TMTC2: variants seen among roughly 807,000 people sequenced by gnomAD.
TMTC2 encodes the protein protein O-mannosyl-transferase TMTC2.
In TMTC2, 43 loss-of-function variants were observed where a neutral mutation model predicts 82.4. That is an observed-to-expected ratio of 0.52 (90% confidence interval 0.41 to 0.67). The LOEUF (loss-of-function observed/expected upper bound fraction) is 0.67. Ranked by LOEUF, TMTC2 falls within the 30% of genes least tolerant of loss-of-function variation. The pLI is 0.00. For missense variants in TMTC2, 919 were observed against 1,012.4 expected (o/e 0.91, Z 1.25); for synonymous variants, 408 against 381.9 (o/e 1.07, Z -0.80).
intron 1 of TMTC2, among the ~76,000 whole-genome samples, chr12:82,836,984 G>A (rs530540236): frequency 9.2e-5 from 14 of 152,080 alleles, no homozygotes; most frequent in South Asian, 4.2e-4. Context: ...TTTCATCCTC[G>A]AATTCATTTA....
intron 1 of TMTC2, among the ~76,000 whole-genome samples, chr12:82,836,104 TA>T (rs1276144657): frequency 2.0e-5 from 3 of 152,016 alleles, no homozygotes; most frequent in African/African-American, 7.3e-5. Flanking sequence ...TATGCATACA[TA>T]AAATAGTTGA....
At chr12:82,719,297 T>TGTATTTTCAGTAGAGAC (rs1874077061) in intron 1 of TMTC2, among the ~76,000 whole-genome samples, 1 of 151,668 alleles carries the variant, frequency 6.6e-6, no homozygotes, top group Non-Finnish European at 1.5e-5. Context: ...TTTCACCATC[T>TGTATTTTCAGTAGAGAC]TGGCCAGGCT....
intron 11 of TMTC2, among the ~76,000 whole-genome samples, chr12:83,108,371 A>G (rs1440969062): frequency 6.6e-6 from 1 of 152,142 alleles, no homozygotes; most frequent in Non-Finnish European, 1.5e-5. Flanking sequence ...GAAAATTGAC[A>G]TTATAAAACG....
At chr12:82,897,949 G>C (rs539375628) in intron 3 of TMTC2, among the ~76,000 whole-genome samples, 1 of 137,980 alleles carries the variant, frequency 7.2e-6, no homozygotes, top group South Asian at 2.2e-4. Context: ...TATGAAAATG[G>C]CCTGCTAATA....
rs569076908 is a variant in TMTC2 at position 83,134,604 on chromosome 12, C to T, written c.*2215C>T. 5.1e-5 allele frequency: 6 copies of T among 117,222 alleles called. No homozygotes were observed. The highest frequency in any genetic ancestry group is 1.1e-4 in the Admixed American group (1 of 9,476). 7.3% of individuals were successfully genotyped at this position (117,222 alleles called of 1,614,324 possible). Reference sequence around the variant, plus strand: ...GCTGGACTTAGTAACTGACCAACTTCGGGGGGAGGGTTGGGGCAAGGGGGG... The same window carrying T: ...GCTGGACTTAGTAACTGACCAACTTTGGGGGGAGGGTTGGGGCAAGGGGGG... On this transcript the variant is annotated 3_prime_UTR_variant, in exon 12 of 12. Coordinates refer to ENST00000321196, the MANE Select transcript of TMTC2 (RefSeq NM_152588.3).
chr12:82,741,636 A>G (rs1043139608), intron 1 of TMTC2, among the ~76,000 whole-genome samples: 14 of 152,280 alleles, frequency 9.2e-5, no homozygotes, highest in African/African-American at 3.1e-4. Flanking sequence ...CAATTTACCA[A>G]TCTGACCTTC....
intron 1 of TMTC2, among the ~76,000 whole-genome samples, chr12:82,814,633 A>G (rs1321362897): frequency 2.6e-5 from 4 of 152,304 alleles, no homozygotes; most frequent in Middle Eastern, 6.8e-3. Context: ...ACCAATCATG[A>G]TTAGAAGGAA....
intron 8 of TMTC2, among the ~76,000 whole-genome samples, chr12:83,019,336 C>T (rs569178383): frequency 8.5e-5 from 13 of 152,186 alleles, no homozygotes; most frequent in East Asian, 3.9e-4. Context: ...CCTTACCCAC[C>T]GCTCCCCAAA....
intron 3 of TMTC2, among the ~76,000 whole-genome samples, chr12:82,900,709 T>TGAAATATATATATA (rs1565800777): frequency 1.0e-3 from 145 of 140,164 alleles, no homozygotes; most frequent in African/African-American, 3.6e-3. Flanking sequence ...TATATATCTC[T>TGAAATATATATATA]GGAATATATA....
chr12:83,104,974 CTT>C (rs1199313836), intron 11 of TMTC2, among the ~76,000 whole-genome samples: 2 of 152,186 alleles, frequency 1.3e-5, no homozygotes, highest in African/African-American at 4.8e-5. Flanking sequence ...TGCTTGAACA[CTT>C]TACTGCTTAG....
chr12:82,777,405 A>G (rs1877656004), intron 1 of TMTC2, among the ~76,000 whole-genome samples: 1 of 152,178 alleles, frequency 6.6e-6, no homozygotes, highest in Admixed American at 6.5e-5. Context: ...AACAAATAGA[A>G]TCAAAATGAA....
In TMTC2 at chr12:82,903,987, CTG is replaced by C. The variant is rs147097372; in HGVS notation, c.1483+7348_1483+7349del. The stretch of plus-strand genomic sequence containing the variant: ...TTAGTTTCGGATTGTGTGACTGCAT[CTG>C]TGTGTGACATATGCTTCCATTTTGA... On this transcript the variant is annotated intron_variant, in intron 3 of 11. Coordinates refer to ENST00000321196, the MANE Select transcript of TMTC2 (RefSeq NM_152588.3). Among the ~76,000 whole-genome samples, 337 of 152,278 alleles carry C rather than the reference CTG, an allele frequency of 2.2e-3. 2 individuals are homozygous for C. Among genetic ancestry groups the C allele is most frequent in the African/African-American group, 7.7e-3 (320 of 41,554 alleles).
intron 1 of TMTC2, among the ~76,000 whole-genome samples, chr12:82,713,303 G>A (rs551889152): frequency 2.2e-4 from 32 of 147,706 alleles, no homozygotes; most frequent in African/African-American, 8.0e-4. Context: ...CAACAAGAAC[G>A]AAACTCTGTT....
intron 11 of TMTC2, among the ~76,000 whole-genome samples, chr12:83,093,157 C>A (rs937978528): frequency 2.6e-5 from 4 of 152,132 alleles, no homozygotes; most frequent in African/African-American, 9.7e-5. Context: ...CAACGTCTCT[C>A]CTCCCTTAGA....
At chr12:83,091,859 C>T (rs1883858424) in intron 11 of TMTC2, among the ~76,000 whole-genome samples, 1 of 152,118 alleles carries the variant, frequency 6.6e-6, no homozygotes, top group Non-Finnish European at 1.5e-5. Flanking sequence ...TTTATGGTTT[C>T]CAGATGGAGT....
intron 1 of TMTC2, among the ~76,000 whole-genome samples, chr12:82,814,018 A>G (rs1868551373): frequency 6.6e-6 from 1 of 152,138 alleles, no homozygotes; most frequent in African/African-American, 2.4e-5. Context: ...TGGCATATTT[A>G]CCTCTCACAA....
At chr12:82,985,798 GA>G in intron 7 of TMTC2, 126 bp from the exon 8 acceptor site, 1 of 1,198,266 alleles carries the variant, frequency 8.3e-7, no homozygotes, top group Non-Finnish European at 1.1e-6. Flanking sequence ...ATGAGAACAT[GA>G]ATGAAAGTAC....
At chr12:83,097,048 C>T (rs1391631786) in intron 11 of TMTC2, among the ~76,000 whole-genome samples, 3 of 152,122 alleles carry the variant, frequency 2.0e-5, no homozygotes, top group Admixed American at 2.0e-4. Flanking sequence ...ACATACTTTA[C>T]ATGTGGTCCA....
intron 1 of TMTC2, among the ~76,000 whole-genome samples, chr12:82,773,780 A>T (rs1376863700): frequency 6.6e-6 from 1 of 152,084 alleles, no homozygotes; most frequent in Non-Finnish European, 1.5e-5. Context: ...TTTAGCCAGG[A>T]TATTAATGCT....
Sources: gnomAD v4.1 joint callset for allele counts (sites outside exome capture counted in the v4.1 genomes callset) on GRCh38, gnomAD v4.1.1 for gene constraint, MANE v1.5 for transcripts, NCBI Gene and HGNC (gene_info 2026-07-23, HGNC 2026-07-21) for gene names.